BLM: variants seen among roughly 807,000 people sequenced by gnomAD.
BLM encodes recQ-like DNA helicase BLM.
Under a neutral mutation model 135.3 loss-of-function variants are expected in BLM, and 95 were observed. The ratio of observed to expected loss-of-function variants is 0.70; its 90% CI spans 0.59 to 0.83. The LOEUF (loss-of-function observed/expected upper bound fraction) is 0.83, where lower values mean the gene tolerates loss of function less well. Ranked by LOEUF, BLM falls within the 40% of genes least tolerant of loss-of-function variation. The pLI is 0.00. For missense variants in BLM, 1,518 were observed against 1,663.9 expected, an observed-to-expected ratio of 0.91 and a Z score of 1.53; for synonymous variants, 520 against 589.2, an observed-to-expected ratio of 0.88 and a Z score of 1.70.
chr15:90,806,263 C>T (rs1015217818), intron 19 of BLM, among the ~76,000 whole-genome samples: 3 of 152,100 alleles, frequency 2.0e-5, no homozygotes, highest in Non-Finnish European at 4.4e-5. Flanking sequence ...GTAATCCCTG[C>T]ACTTTGGGAG....
chr15:90,765,992 C>T (rs1896114842), intron 9 of BLM, among the ~76,000 whole-genome samples: 1 of 152,088 alleles, frequency 6.6e-6, no homozygotes, highest in South Asian at 2.1e-4. Flanking sequence ...ACCTGTGGTC[C>T]CAGCTGCTTA....
intron 1 of BLM, among the ~76,000 whole-genome samples, chr15:90,742,099 A>G (rs984202913): frequency 1.3e-5 from 2 of 152,222 alleles, no homozygotes; most frequent in Non-Finnish European, 2.9e-5. Context: ...CTCTTTGTCT[A>G]GAAATTGTGT....
intron 12 of BLM, among the ~76,000 whole-genome samples, chr15:90,780,886 T>A (rs1440410347): frequency 6.6e-6 from 1 of 152,264 alleles, no homozygotes; most frequent in Non-Finnish European, 1.5e-5. Context: ...TGCAGGAGGA[T>A]GTGCATAGGT....
intron 5 of BLM, chr15:90,759,913 T>TAA (rs60293840): frequency 7.1e-4 from 202 of 285,154 alleles, no homozygotes; most frequent in Middle Eastern, 1.2e-3. Flanking sequence ...AGCCCCACTT[T>TAA]AAAAAAAAAA....
intron 1 of BLM, among the ~76,000 whole-genome samples, chr15:90,738,565 AAAACAAAAC>A (rs1456796195): frequency 4.9e-5 from 2 of 41,038 alleles, no homozygotes; most frequent in African/African-American, 1.8e-4. Context: ...CCTGTTTCAA[AAAACAAAAC>A]AAAACAAAAC....
Position 90,748,908 on chromosome 15 carries a change from C to G in BLM, c.99-459C>G, listed in dbSNP as rs978612630. ...GACTAGCTAGGGCTTCAGGCATACA[C>G]CACTATGCCCGGCTAATTTTTTGTG... On this transcript the variant is annotated intron_variant, in intron 2 of 21. Transcript: ENST00000355112. 2.6e-5 allele frequency among the ~76,000 whole-genome samples: 4 copies of G among 151,996 alleles called. No individual in the cohort carries two copies. In the East Asian group the frequency reaches 7.7e-4, roughly 29 times the overall value.
Position 90,804,156 on chromosome 15 carries a change from C to G in BLM, c.3559-11C>G. 1 of 1,610,798 alleles carries G rather than the reference C, an allele frequency of 6.2e-7. No individual in the cohort carries two copies. Among genetic ancestry groups the G allele is most frequent in the East Asian group, 2.2e-5 (1 of 44,856 alleles). On this transcript the variant is annotated splice_polypyrimidine_tract_variant and intron_variant, in intron 18 of 21. Transcript: ENST00000355112. ...ATACCCACTCCTATGATTTGTTTCT[C>G]TCTCATAAAGGTAGACTTTATGGAA... is the stretch of plus-strand genomic sequence containing the variant.
At chr15:90,784,786 G>A (rs1896702714) in intron 13 of BLM, 135 bp from the exon 14 acceptor site, 4 of 898,200 alleles carry the variant, frequency 4.5e-6, no homozygotes, top group Non-Finnish European at 6.8e-6. Flanking sequence ...TTATTCACGT[G>A]TGTGGTCTTC....
chr15:90,737,294 TA>T (rs1895244420), intron 1 of BLM, among the ~76,000 whole-genome samples: 1 of 152,106 alleles, frequency 6.6e-6, no homozygotes, highest in African/African-American at 2.4e-5. Context: ...GATAGATGGA[TA>T]GATCAATGGA....
intron 10 of BLM, among the ~76,000 whole-genome samples, chr15:90,768,493 C>A (rs1429259227): frequency 6.6e-6 from 1 of 152,100 alleles, no homozygotes; most frequent in South Asian, 2.1e-4. Flanking sequence ...ATTTTTCCCC[C>A]AGCCAACACG....
In BLM at chr15:90,801,430, A is replaced by G. The variant is rs1299899894; in HGVS notation, c.3359-2091A>G. Among the ~76,000 whole-genome samples the G allele has an allele frequency of 2.6e-5, 3 of 114,104 alleles. No homozygotes were observed. In the East Asian group the frequency reaches 9.3e-4, roughly 36 times the overall value. 74.9% of individuals were successfully genotyped at this position (114,104 alleles called of 152,430 possible). A position where few individuals can be genotyped will look rare whatever the true frequency, so the allele number is the denominator to read the frequency against. On this transcript the variant is annotated intron_variant, in intron 17 of 21. Coordinates refer to ENST00000355112, the MANE Select transcript of BLM (RefSeq NM_000057.4). ...GAAGGCATACAGGGAAGGCTTGGGT[A>G]CTAATGACATCTCACATGTGGGAAG...
Position 90,809,547 on chromosome 15 carries a change from A to T in BLM, c.3874+288A>T, listed in dbSNP as rs1596272142. On this transcript the variant is annotated intron_variant, in intron 20 of 21. Transcript: ENST00000355112. ...TCAAGGGATCAGAGCCCTGGGTACC[A>T]GTTCCAGATCTGCCACCACGTCATG... Among the ~76,000 whole-genome samples the T allele has an allele frequency of 2.0e-5, 3 of 152,206 alleles. No homozygotes were observed. The South Asian group carries it at 6.2e-4, about 31-fold the overall frequency.
chr15:90,730,445 G>GT (rs916694899), intron 1 of BLM, among the ~76,000 whole-genome samples: 32 of 150,834 alleles, frequency 2.1e-4, no homozygotes, highest in African/African-American at 4.6e-4. Context: ...TAAGAGTTGT[G>GT]TTTTTTTTTG....
chr15:90,751,271 A>T (rs529933128), intron 3 of BLM, among the ~76,000 whole-genome samples: 146 of 152,314 alleles, frequency 9.6e-4, no homozygotes, highest in Middle Eastern at 3.4e-3. Context: ...GATAAGCAAA[A>T]CTATAGTCTC....
At chr15:90,765,039 A>T (rs1169923171) in intron 8 of BLM, among the ~76,000 whole-genome samples, 1 of 152,234 alleles carries the variant, frequency 6.6e-6, no homozygotes, top group Non-Finnish European at 1.5e-5. Context: ...ACTGCACTCC[A>T]GCCTGGGCAA....
At chr15:90,752,207 G>A (rs1199603385) in intron 4 of BLM, among the ~76,000 whole-genome samples, 1 of 147,722 alleles carries the variant, frequency 6.8e-6, no homozygotes, top group South Asian at 2.1e-4. Context: ...AGACAGTCTC[G>A]CTCTGTCACC....
intron 12 of BLM, among the ~76,000 whole-genome samples, chr15:90,779,957 C>T (rs1307754987): frequency 6.6e-6 from 1 of 151,896 alleles, no homozygotes; most frequent in East Asian, 1.9e-4. Context: ...GAGGTTTTTA[C>T]ATCCTGGAAC....
intron 12 of BLM, among the ~76,000 whole-genome samples, chr15:90,775,141 C>T (rs1896439253): frequency 6.6e-6 from 1 of 152,024 alleles, no homozygotes; most frequent in Non-Finnish European, 1.5e-5. Context: ...CTGGTGGAAA[C>T]AGCAGAAGTG....
At chr15:90,763,194 T>G in intron 8 of BLM, 37 bp downstream of exon 8, 1 of 1,599,312 alleles carries the variant, frequency 6.3e-7, no homozygotes, top group Non-Finnish European at 8.6e-7. Flanking sequence ...AGGAATCCAT[T>G]GGCAGATGTT....
Sources: gnomAD v4.1 joint callset for allele counts (sites outside exome capture counted in the v4.1 genomes callset) on GRCh38, gnomAD v4.1.1 for gene constraint, MANE v1.5 for transcripts, NCBI Gene and HGNC (gene_info 2026-07-23, HGNC 2026-07-21) for gene names.